Variants in ITGA1 observed in about 807,000 individuals in gnomAD.
ITGA1 encodes integrin subunit alpha 1.
A neutral mutation model predicts 145.9 loss-of-function variants in ITGA1; 85 were observed. That is an observed-to-expected ratio of 0.58 (90% CI 0.49 to 0.70). ITGA1 has a LOEUF of 0.70. ITGA1 is among the 30% of genes least tolerant of loss of function. The pLI, the probability that ITGA1 is intolerant of heterozygous loss-of-function variation, is 0.00. For synonymous variants in ITGA1, 520 were observed against 495.3 expected, an observed-to-expected ratio of 1.05 and a Z score of -0.66; for missense variants, 1,351 against 1,418.7, an observed-to-expected ratio of 0.95 and a Z score of 0.77.
At chr5:52,876,811 A>G (rs76821534) in intron 6 of ITGA1, among the ~76,000 whole-genome samples, 26,392 of 152,124 alleles carry the variant, frequency 0.17, 2,389 homozygotes, top group South Asian at 0.24. Flanking sequence ...ACTCACAGAC[A>G]AGTTTGTTTC....
chr5:52,907,127 T>C (rs1317093598), intron 12 of ITGA1, among the ~76,000 whole-genome samples: 2 of 152,172 alleles, frequency 1.3e-5, no homozygotes, highest in Non-Finnish European at 2.9e-5. Context: ...GCCTTAGTGG[T>C]AAAGTTGAAA....
At chr5:52,796,630 G>A (rs1029125056) in intron 1 of ITGA1, among the ~76,000 whole-genome samples, 6 of 152,020 alleles carry the variant, frequency 3.9e-5, no homozygotes, top group African/African-American at 1.4e-4. Context: ...GTCTTGAAAT[G>A]TCTGTAATAA....
chr5:52,889,367 G>T (rs1750107482), intron 8 of ITGA1, among the ~76,000 whole-genome samples: 1 of 152,134 alleles, frequency 6.6e-6, no homozygotes, highest in Non-Finnish European at 1.5e-5. Context: ...CTCCCAAAGT[G>T]CTGGGATTAC....
At chr5:52,851,230 G>C (rs866980797) in intron 2 of ITGA1, among the ~76,000 whole-genome samples, 1 of 152,054 alleles carries the variant, frequency 6.6e-6, no homozygotes, top group South Asian at 2.1e-4. Flanking sequence ...TTCTTATCCA[G>C]TCCTGTCTCT....
intron 1 of ITGA1, among the ~76,000 whole-genome samples, chr5:52,809,841 G>C (rs565860548): frequency 6.6e-6 from 1 of 152,190 alleles, no homozygotes; most frequent in African/African-American, 2.4e-5. Context: ...CTACAGAGTG[G>C]TCTCTGTAAT....
intron 1 of ITGA1, chr5:52,800,980 C>T (rs1381435746): frequency 6.2e-7 from 1 of 1,614,194 alleles, no homozygotes; most frequent in South Asian, 1.1e-5. Context: ...TATCCAGCGC[C>T]ACATACACTT....
intron 1 of ITGA1, among the ~76,000 whole-genome samples, chr5:52,838,166 A>G (rs558320058): frequency 1.3e-5 from 2 of 152,332 alleles, no homozygotes; most frequent in Non-Finnish European, 2.9e-5. Context: ...TGAATGATAT[A>G]ATGGAAAATT....
At position 52,812,987 on chromosome 5, in the gene ITGA1, C is replaced by T. The variant is rs1484936772; in HGVS notation, c.61+24573C>T. On this transcript the variant is annotated intron_variant, in intron 1 of 28. Transcript: ENST00000282588. ...GTCCAGAGTTACCCTCAACATGAGA[C>T]AGGCTACCCAGCTGGTTCTCTGTCT... 2.6e-5 allele frequency among the ~76,000 whole-genome samples: 4 copies of T among 152,046 alleles called. No individual in the cohort carries two copies. The East Asian group carries it at 7.7e-4, about 29-fold the overall frequency.
chr5:52,877,211 G>A (rs1436680357), intron 6 of ITGA1, among the ~76,000 whole-genome samples: 1 of 152,162 alleles, frequency 6.6e-6, no homozygotes, highest in Non-Finnish European at 1.5e-5. Context: ...GTTATAGGAT[G>A]AAAGCAGAGT....
intron 15 of ITGA1, among the ~76,000 whole-genome samples, chr5:52,918,212 T>C (rs779650187): frequency 2.0e-5 from 3 of 152,236 alleles, no homozygotes; most frequent in Non-Finnish European, 4.4e-5. Flanking sequence ...AAAAAAATGA[T>C]GTTGCTTATA....
chr5:52,902,009 A>T (rs1020832537), intron 11 of ITGA1: 7 of 152,174 alleles, frequency 4.6e-5, no homozygotes, highest in Non-Finnish European at 1.0e-4. Flanking sequence ...TTTTTCACCC[A>T]AAATAATATT....
rs1751326675 is a variant in ITGA1, at chr5:52,957,983, AACAAATCTT to A, written c.*5533_*5541del. 1 of 152,222 alleles carries A rather than the reference AACAAATCTT, an allele frequency of 6.6e-6. No homozygotes were observed. The highest frequency in any genetic ancestry group is 2.1e-4 in the South Asian group (1 of 4,820). 9.4% of individuals were successfully genotyped at this position (152,222 alleles called of 1,614,324 possible). On this transcript the variant is annotated 3_prime_UTR_variant, in exon 29 of 29. Transcript: ENST00000282588. ...TTTAGATTGGGGACAAAATTTTAAA[AACAAATCTT>A]CCAAATGACACCACAATGAAAGCCA...
rs1750789292 is a variant in ITGA1, at chr5:52,925,358, CCTG to C, written c.2488_2490del (p.Leu830del). 6 of 1,614,054 alleles carry C rather than the reference CCTG, an allele frequency of 3.7e-6. No individual in the cohort carries two copies. Among genetic ancestry groups the C allele is most frequent in the Non-Finnish European group, 5.1e-6 (6 of 1,179,910 alleles). On this transcript the variant is annotated inframe_deletion, in exon 19 of 29. Coordinates refer to ENST00000282588, the MANE Select transcript of ITGA1 (RefSeq NM_181501.2). ...TGCATGTCGCCACCACTGAAAAGGA[CCTG>C]CTGATTGTCCGATCCCAGAATGATA...
Position 52,947,370 on chromosome 5 carries a change from G to C in ITGA1, c.3404G>C (p.Gly1135Ala). Residue 1135 changes from glycine (G) to alanine (A), a missense_variant, in exon 28 of 29, where the codon GGG (glycine) becomes GCG (alanine). Physicochemically the swap from Gly to Ala is moderately conservative, Grantham distance 60 (BLOSUM62 0). Coordinates refer to ENST00000282588, the MANE Select transcript of ITGA1 (RefSeq NM_181501.2). ...CTTGCTATTCAAATATCCAAAGATG[G>C]GCTACCGGGCAGAGTGCCATTATGG... ...RELAIQISKD[G>A]LPGRVPLWVI... The C allele has an allele frequency of 6.2e-7, 1 of 1,612,484 alleles. No individual in the cohort carries two copies. Among genetic ancestry groups the C allele is most frequent in the Non-Finnish European group, 8.5e-7 (1 of 1,178,752 alleles).
At chr5:52,868,071 T>C (rs1436100845) in intron 6 of ITGA1, among the ~76,000 whole-genome samples, 1 of 152,160 alleles carries the variant, frequency 6.6e-6, no homozygotes, top group Non-Finnish European at 1.5e-5. Context: ...TTCTCCACTT[T>C]TGCCCATGAT....
At chr5:52,855,437 C>A (rs1338253290) in intron 2 of ITGA1, among the ~76,000 whole-genome samples, 1 of 152,140 alleles carries the variant, frequency 6.6e-6, no homozygotes, top group Non-Finnish European at 1.5e-5. Flanking sequence ...GTACTTGACA[C>A]AGTCGTTAAT....
In ITGA1 at chr5:52,910,065, A is replaced by G. The variant is rs1750478982; in HGVS notation, c.1600-97A>G. Reference sequence around the variant, plus strand: ...TACCAACTTTACCACTAATGTACAAATGGCTGTTAATAGCACTGATTTAGT... The same window carrying G: ...TACCAACTTTACCACTAATGTACAAGTGGCTGTTAATAGCACTGATTTAGT... On this transcript the variant is annotated intron_variant, in intron 13 of 28. Coordinates refer to ENST00000282588, the MANE Select transcript of ITGA1 (RefSeq NM_181501.2). 6.9e-6 allele frequency: 8 copies of G among 1,165,762 alleles called. No individual in the cohort carries two copies. In the Admixed American group the frequency reaches 1.4e-4, roughly 20 times the overall value. The allele number at this position is 1,165,762 out of a possible 1,614,324, so 72.2% of individuals were successfully genotyped here. A position where few individuals can be genotyped will look rare whatever the true frequency, so the allele number is the denominator to read the frequency against.
intron 28 of ITGA1, 39 bp downstream of exon 28, chr5:52,947,500 T>C: frequency 2.6e-6 from 3 of 1,137,142 alleles, no homozygotes; most frequent in Non-Finnish European, 4.0e-6. Context: ...ACTTCAATCA[T>C]CAACAGCAAA....
chr5:52,949,809 A>G (rs1751191253), intron 28 of ITGA1, among the ~76,000 whole-genome samples: 1 of 152,200 alleles, frequency 6.6e-6, no homozygotes, highest in Non-Finnish European at 1.5e-5. Context: ...TGCCTGAAGC[A>G]TGAGTTCAGT....
Sources: allele counts gnomAD v4.1 joint callset (sites outside exome capture counted in the v4.1 genomes callset), GRCh38; gene constraint gnomAD v4.1.1; transcripts MANE v1.5; gene names NCBI Gene and HGNC (gene_info 2026-07-23, HGNC 2026-07-21).